Variants in SLC12A8 observed in about 807,000 individuals in gnomAD.
SLC12A8 encodes solute carrier family 12 member 8.
In SLC12A8, 69 loss-of-function variants were observed where a neutral mutation model predicts 75.6. That is an observed-to-expected ratio of 0.91 (90% CI 0.75 to 1.11). SLC12A8 has a LOEUF of 1.11. SLC12A8 is among the 50% of genes most tolerant of loss of function. SLC12A8 has a pLI of 0.00. For synonymous variants in SLC12A8, 365 were observed against 372.8 expected, an observed-to-expected ratio of 0.98 and a Z score of 0.24; for missense variants, 877 against 896.7, an observed-to-expected ratio of 0.98 and a Z score of 0.28.
intron 5 of SLC12A8, among the ~76,000 whole-genome samples, chr3:125,144,510 A>G (rs956971804): frequency 4.6e-5 from 7 of 152,062 alleles, no homozygotes; most frequent in African/African-American, 1.7e-4. Context: ...GAGCCCTGAG[A>G]AAGGAAAATC....
intron 2 of SLC12A8, among the ~76,000 whole-genome samples, chr3:125,208,384 C>T (rs937497122): frequency 2.0e-5 from 3 of 152,114 alleles, no homozygotes; most frequent in African/African-American, 7.2e-5. Flanking sequence ...CATTGATTTG[C>T]CAATGGATCC....
chr3:125,135,601 T>A, intron 6 of SLC12A8, 68 bp downstream of exon 6: 1 of 968,954 alleles, frequency 1.0e-6, no homozygotes, highest in Non-Finnish European at 1.5e-6. Context: ...CCAATGATGA[T>A]GCTGAATTTT....
chr3:125,147,510 T>C (rs895936429), intron 5 of SLC12A8, among the ~76,000 whole-genome samples: 6 of 151,320 alleles, frequency 4.0e-5, no homozygotes, highest in African/African-American at 1.5e-4. Context: ...GTTTGTACCA[T>C]CTCCCCGTCA....
At chr3:125,151,922 T>C (rs900018048) in intron 5 of SLC12A8, among the ~76,000 whole-genome samples, 24 of 152,242 alleles carry the variant, frequency 1.6e-4, no homozygotes, top group African/African-American at 5.5e-4. Flanking sequence ...TCATTTAATC[T>C]CTAAATAATC....
At chr3:125,154,872 G>C (rs1383650958) in intron 5 of SLC12A8, 1 of 152,210 alleles carries the variant, frequency 6.6e-6, no homozygotes, top group Non-Finnish European at 1.5e-5. Context: ...GTGACGAGAA[G>C]TGAGGCGGAT....
In SLC12A8 at chr3:125,134,028, T is replaced by C. The variant is rs116362341; in HGVS notation, c.736+1641A>G. 3.5e-3 allele frequency among the ~76,000 whole-genome samples: 534 copies of C among 151,500 alleles called. 2 individuals are homozygous for C. The highest frequency in any genetic ancestry group is 0.011 in the African/African-American group (445 of 41,316). ...AATTTATACAATCATATTTATTTGC[T>C]TTTTTTTTGGTCTGACTTATTTTAC... On this transcript the variant is annotated intron_variant, in intron 6 of 13. Transcript: ENST00000469902.
At chr3:125,111,251 C>A (rs1385789369) in intron 8 of SLC12A8, among the ~76,000 whole-genome samples, 3 of 152,274 alleles carry the variant, frequency 2.0e-5, no homozygotes, top group African/African-American at 7.2e-5. Context: ...TGAATGAGAT[C>A]CATGACCCAC....
At chr3:125,110,410 A>C (rs1939159451) in intron 8 of SLC12A8, 75 bp from the exon 9 acceptor site, 1 of 1,451,214 alleles carries the variant, frequency 6.9e-7, no homozygotes, top group Non-Finnish European at 9.4e-7. Context: ...GCACCCACCC[A>C]CCTGCACCCC....
At chr3:125,176,961 C>A (rs1934543929) in intron 5 of SLC12A8, among the ~76,000 whole-genome samples, 1 of 151,932 alleles carries the variant, frequency 6.6e-6, no homozygotes, top group African/African-American at 2.4e-5. Flanking sequence ...TTGACCCAGC[C>A]ATCCCATTAC....
At position 125,187,368 on chromosome 3, in the gene SLC12A8, C is replaced by G. The variant is rs369884855; in HGVS notation, c.259G>C (p.Val87Leu). The stretch of plus-strand genomic sequence containing the variant: ...ACGCCAATGCCAGACAGCACCGTGA[C>G]GAGGGCCACCAGGATGACGAAGGAC... ...LVSFVILVAL[V>L]TVLSGIGVGE... The change falls in exon 4 of 14, where the codon GTC becomes CTC. Residue 87 changes from valine to leucine, a missense_variant. Physicochemically the swap from Val to Leu is conservative, Grantham distance 32. Coordinates refer to ENST00000469902, the MANE Select transcript of SLC12A8 (RefSeq NM_024628.6). 2 of 1,614,170 alleles carry G rather than the reference C, an allele frequency of 1.2e-6. No individual in the cohort carries two copies. The highest frequency in any genetic ancestry group is 8.5e-7 in the Non-Finnish European group (1 of 1,180,040).
In SLC12A8 at chr3:125,193,669, C is replaced by A. The variant is rs116359172; in HGVS notation, c.52-3148G>T. Among the ~76,000 whole-genome samples, 304 of 152,332 alleles carry A rather than the reference C, an allele frequency of 2.0e-3. 2 individuals carry two copies. Among genetic ancestry groups the A allele is most frequent in the African/African-American group, 6.8e-3 (283 of 41,562 alleles). ...ATGTCAGCTCCCGTCCACATACACACAAAGTACTGGATTCTCCTGAGTCTG... is the reference window on the plus strand; with the variant it reads ...ATGTCAGCTCCCGTCCACATACACAAAAAGTACTGGATTCTCCTGAGTCTG... On this transcript the variant is annotated intron_variant, in intron 2 of 13. Transcript: ENST00000469902.
At chr3:125,089,203 C>A (rs940551820) in intron 12 of SLC12A8, among the ~76,000 whole-genome samples, 2 of 152,086 alleles carry the variant, frequency 1.3e-5, no homozygotes, top group Non-Finnish European at 2.9e-5. Flanking sequence ...CAGCTGATAA[C>A]CTGTTTCCTC....
intron 5 of SLC12A8, among the ~76,000 whole-genome samples, chr3:125,165,263 G>A (rs1934260585): frequency 6.6e-6 from 1 of 152,228 alleles, no homozygotes; most frequent in Non-Finnish European, 1.5e-5. Context: ...TTTCCTCTTA[G>A]TACCTCTGTG....
intron 6 of SLC12A8, 129 bp from the exon 7 acceptor site, chr3:125,120,815 G>C (rs770352878): frequency 5.4e-6 from 4 of 738,158 alleles, no homozygotes; most frequent in South Asian, 2.9e-5. Context: ...TCCAGCTGCA[G>C]CTCTGCGCAT....
At chr3:125,105,204 C>T (rs1046527623) in intron 10 of SLC12A8, among the ~76,000 whole-genome samples, 2 of 139,350 alleles carry the variant, frequency 1.4e-5, no homozygotes, top group African/African-American at 2.7e-5. Flanking sequence ...GATACAAAAT[C>T]GAGATAATAG....
At chr3:125,148,064 C>T (rs1933828968) in intron 5 of SLC12A8, among the ~76,000 whole-genome samples, 1 of 152,224 alleles carries the variant, frequency 6.6e-6, no homozygotes, top group South Asian at 2.1e-4. Flanking sequence ...GGTTAACTAC[C>T]TTGACCAATT....
intron 8 of SLC12A8, among the ~76,000 whole-genome samples, chr3:125,112,223 A>C (rs1237823984): frequency 6.6e-6 from 1 of 152,180 alleles, no homozygotes; most frequent in East Asian, 1.9e-4. Flanking sequence ...CCTTGTCTTT[A>C]ATTCACTGTT....
At chr3:125,190,671 A>T in intron 2 of SLC12A8, 150 bp from the exon 3 acceptor site, 1 of 788,618 alleles carries the variant, frequency 1.3e-6, no homozygotes, top group Non-Finnish European at 2.1e-6. Flanking sequence ...GTATACACAC[A>T]TGCATGCACA....
chr3:125,174,341 T>G (rs1159259529), intron 5 of SLC12A8, among the ~76,000 whole-genome samples: 1 of 152,152 alleles, frequency 6.6e-6, no homozygotes, highest in Non-Finnish European at 1.5e-5. Context: ...CAATACCAAA[T>G]GCTGATGAGG....
Sources: allele counts gnomAD v4.1 joint callset (sites outside exome capture counted in the v4.1 genomes callset), GRCh38; gene constraint gnomAD v4.1.1; transcripts MANE v1.5; gene names NCBI Gene and HGNC (gene_info 2026-07-23, HGNC 2026-07-21).